MYO9A: variants seen among roughly 807,000 people sequenced by gnomAD.
MYO9A encodes the protein myosin IXA.
Under a neutral mutation model 293.3 loss-of-function variants are expected in MYO9A, and 103 were observed. The observed-to-expected ratio is 0.35, with a 90% confidence interval of 0.30 to 0.41. MYO9A has a LOEUF of 0.41. Ranked by LOEUF, MYO9A falls within the 10% of genes least tolerant of loss-of-function variation. The probability of loss-of-function intolerance (pLI) is 1.00; values close to 1 mark genes in which losing one functional copy is unlikely to be tolerated. For synonymous variants in MYO9A, 1,001 were observed against 1,035.7 expected (o/e 0.97, Z 0.64); for missense variants, 2,685 against 3,033.0 (o/e 0.89, Z 2.69).
chr15:72,037,639 T>C (rs1368107452), intron 2 of MYO9A, among the ~76,000 whole-genome samples: 1 of 152,098 alleles, frequency 6.6e-6, no homozygotes, highest in African/African-American at 2.4e-5. Flanking sequence ...TTTGATGATC[T>C]CATGCACAAA....
At chr15:71,991,022 A>T (rs1224461326) in intron 11 of MYO9A, 81 bp downstream of exon 11, 1 of 1,258,208 alleles carries the variant, frequency 7.9e-7, no homozygotes, top group African/African-American at 1.5e-5. Flanking sequence ...AAATGTGTGA[A>T]AAAATGAAGT....
Position 72,002,265 on chromosome 15 carries a change from T to TA in MYO9A, c.1381-2326dup, listed in dbSNP as rs71438538. ...CAGCTAATTTTTTTTTTTTTTTTTT[T>TA]AGACAGAGTTTTACTTTTGTTACCC... On this transcript the variant is annotated intron_variant, in intron 8 of 41. Coordinates refer to ENST00000356056, the MANE Select transcript of MYO9A (RefSeq NM_006901.4). 6.6e-5 allele frequency among the ~76,000 whole-genome samples: 10 copies of TA among 151,498 alleles called. 1 individual carries two copies. Among genetic ancestry groups the TA allele is most frequent in the Admixed American group, 6.6e-4 (10 of 15,206 alleles).
intron 24 of MYO9A, among the ~76,000 whole-genome samples, chr15:71,899,393 TAAC>T (rs1469978965): frequency 4.6e-5 from 7 of 152,204 alleles, no homozygotes; most frequent in African/African-American, 2.4e-5. Context: ...TTTCTGAAAG[TAAC>T]AACAGTTGAA....
intron 12 of MYO9A, among the ~76,000 whole-genome samples, chr15:71,976,988 C>G (rs188500290): frequency 6.6e-6 from 1 of 152,206 alleles, no homozygotes; most frequent in Admixed American, 6.5e-5. Flanking sequence ...GTCATAAAAA[C>G]CTCACAACCA....
chr15:71,997,351 C>T (rs2076727726), intron 9 of MYO9A, among the ~76,000 whole-genome samples: 1 of 152,058 alleles, frequency 6.6e-6, no homozygotes, highest in South Asian at 2.1e-4. Flanking sequence ...CCTGTAATCC[C>T]AAAACTTTGG....
At chr15:71,851,188 C>G in intron 37 of MYO9A, 65 bp downstream of exon 37, 2 of 1,253,966 alleles carry the variant, frequency 1.6e-6, no homozygotes, top group Non-Finnish European at 2.3e-6. Flanking sequence ...TGGAGAAATT[C>G]CTTATCTATT....
Position 71,899,819 on chromosome 15 carries a change from C to G in MYO9A, c.3338G>C (p.Arg1113Thr). Residue 1113 changes from arginine (R) to threonine (T), a missense_variant, in exon 24 of 42, where the codon AGG becomes ACG. Arg to Thr is a moderately conservative substitution (Grantham distance 71, BLOSUM62 -1). Around this residue, in one of 10 missense-constraint regions of MYO9A, gnomAD observed 1,434 missense variants for 1,497.7 expected, o/e 0.96. Coordinates refer to ENST00000356056, the MANE Select transcript of MYO9A (RefSeq NM_006901.4). ...VIQQKWRDYY[R>T]RRHMAAICIQ... is the part of the protein sequence containing the mutation. ...GCAAATAGCAGCCATGTGCCTGCGCCTATAGTAATCTCTCCATTTCTGCTG... is the reference window on the plus strand; with the variant it reads ...GCAAATAGCAGCCATGTGCCTGCGCGTATAGTAATCTCTCCATTTCTGCTG... 6.2e-7 allele frequency: 1 copy of G among 1,614,158 alleles called. No individual in the cohort carries two copies. Among genetic ancestry groups the G allele is most frequent in the Non-Finnish European group, 8.5e-7 (1 of 1,180,040 alleles).
chr15:72,065,824 C>G (rs2079006021), intron 1 of MYO9A, among the ~76,000 whole-genome samples: 1 of 151,998 alleles, frequency 6.6e-6, no homozygotes, highest in Non-Finnish European at 1.5e-5. Context: ...TATAAAAGGC[C>G]AATATGGATA....
intron 8 of MYO9A, among the ~76,000 whole-genome samples, chr15:72,007,366 C>T (rs775672895): frequency 1.9e-4 from 29 of 151,320 alleles, no homozygotes; most frequent in Non-Finnish European, 3.5e-4. Flanking sequence ...GAGATGAGAA[C>T]CTTTATGTCC....
At chr15:72,113,371 T>C (rs12592615) in intron 1 of MYO9A, among the ~76,000 whole-genome samples, 6,749 of 152,010 alleles carry the variant, frequency 0.044, 265 homozygotes, top group East Asian at 0.18. Context: ...ATCAGGGAAA[T>C]AGAACATCAA....
intron 11 of MYO9A, among the ~76,000 whole-genome samples, chr15:71,984,729 T>C (rs1330743433): frequency 6.6e-6 from 1 of 152,228 alleles, no homozygotes; most frequent in Admixed American, 6.5e-5. Context: ...GTCTTTTCAA[T>C]TTCACAGTAC....
rs2057563413 is a variant in MYO9A at position 71,904,180 on chromosome 15, AG to A, written c.2767-142del. 6.0e-6 allele frequency: 4 copies of A among 663,468 alleles called. No individual in the cohort carries two copies. The East Asian group carries it at 1.1e-4, about 18-fold the overall frequency. 41.1% of individuals were successfully genotyped at this position (663,468 alleles called of 1,614,324 possible). A position where few individuals can be genotyped will look rare whatever the true frequency, so the allele number is the denominator to read the frequency against. On this transcript the variant is annotated intron_variant, in intron 20 of 41. Coordinates refer to ENST00000356056, the MANE Select transcript of MYO9A (RefSeq NM_006901.4). ...ACATATACAGTAACTAAGTATATTA[AG>A]GCAAGCTCACCTCTCAGCTGGTAGC...
chr15:71,976,675 A>T (rs1466325738), intron 12 of MYO9A, among the ~76,000 whole-genome samples: 1 of 152,268 alleles, frequency 6.6e-6, no homozygotes, highest in Non-Finnish European at 1.5e-5. Context: ...GACAATAATT[A>T]TGTTGGGGCA....
intron 32 of MYO9A, among the ~76,000 whole-genome samples, chr15:71,866,664 G>A (rs2056337376): frequency 6.6e-6 from 1 of 152,064 alleles, no homozygotes; most frequent in African/African-American, 2.4e-5. Flanking sequence ...TAAGGTAATA[G>A]AAATAGAAGT....
Position 71,928,027 on chromosome 15 carries a change from AATATAT to A in MYO9A, c.2562+5637_2562+5642del, listed in dbSNP as rs1191908867. Among the ~76,000 whole-genome samples the A allele has an allele frequency of 8.0e-3, 86 of 10,758 alleles. 9 individuals are homozygous for A. The highest frequency in any genetic ancestry group is 9.4e-3 in the Non-Finnish European group (36 of 3,820). The allele number at this position is 10,758 out of a possible 152,430, so 7.1% of individuals were successfully genotyped here. A position where few individuals can be genotyped will look rare whatever the true frequency, so the allele number is the denominator to read the frequency against. On this transcript the variant is annotated intron_variant, in intron 18 of 41. Coordinates refer to ENST00000356056, the MANE Select transcript of MYO9A (RefSeq NM_006901.4). ...GCTGTTTTGATTACAATACCTTTCT[AATATAT>A]ATATATATATATATATATATATATT...
At chr15:72,090,793 T>C (rs934293274) in intron 1 of MYO9A, among the ~76,000 whole-genome samples, 2 of 152,100 alleles carry the variant, frequency 1.3e-5, no homozygotes, top group Admixed American at 6.5e-5. Context: ...TAAATGTTTA[T>C]ATTCTTTTTT....
In MYO9A at chr15:71,878,421, C is replaced by A. The variant is rs6494974; in HGVS notation, c.5740-190G>T. Reference sequence around the variant, plus strand: ...TTCTAGTATGGGATGAATGCAGAATCAAACATGCTAAATTTTAGTAAAAAA... The same window carrying A: ...TTCTAGTATGGGATGAATGCAGAATAAAACATGCTAAATTTTAGTAAAAAA... On this transcript the variant is annotated intron_variant, in intron 30 of 41. Coordinates refer to ENST00000356056, the MANE Select transcript of MYO9A (RefSeq NM_006901.4). Among the ~76,000 whole-genome samples, 152,327 of 152,340 alleles carry A rather than the reference C, an allele frequency of 1. 76,157 individuals carry two copies. The highest frequency in any genetic ancestry group is 1 in the Non-Finnish European group (68,040 of 68,040).
At chr15:71,928,292 T>C (rs1365143787) in intron 18 of MYO9A, among the ~76,000 whole-genome samples, 4 of 150,200 alleles carry the variant, frequency 2.7e-5, no homozygotes, top group Non-Finnish European at 5.9e-5. Context: ...TTAGCCAGGA[T>C]AGTCTCGATC....
At position 71,887,378 on chromosome 15, in the gene MYO9A, C is replaced by G. The variant is rs1254495697; in HGVS notation, c.5255+626G>C. ...ATTAAGAAGTAGATGCAGAAAAGCT[C>G]TCTACCCTCCCCTGTTCGCCTAAAA... On this transcript the variant is annotated intron_variant, in intron 27 of 41. Transcript: ENST00000356056. Among the ~76,000 whole-genome samples, 3 of 152,114 alleles carry G rather than the reference C, an allele frequency of 2.0e-5. No individual in the cohort carries two copies. The East Asian group carries it at 5.8e-4, about 29-fold the overall frequency.
Sources: allele counts gnomAD v4.1 joint callset (sites outside exome capture counted in the v4.1 genomes callset), GRCh38; gene constraint gnomAD v4.1.1; regional missense constraint gnomAD v4.1.1; transcripts MANE v1.5; gene names NCBI Gene and HGNC (gene_info 2026-07-23, HGNC 2026-07-21).